C7: variants seen among roughly 807,000 people sequenced by gnomAD.
C7 encodes complement component C7.
In C7, 83 loss-of-function variants were observed where a neutral mutation model predicts 104.8. The observed-to-expected ratio is 0.79, with a 90% confidence interval of 0.66 to 0.95. The LOEUF (loss-of-function observed/expected upper bound fraction) is 0.95. Ranked by LOEUF, C7 falls within the 40% of genes least tolerant of loss-of-function variation. C7 has a pLI of 0.00. For missense variants in C7, 1,070 were observed against 1,011.2 expected, an observed-to-expected ratio of 1.06 and a Z score of -0.79; for synonymous variants, 415 against 360.6, an observed-to-expected ratio of 1.15 and a Z score of -1.71.
Position 40,972,521 on chromosome 5 carries a change from T to C in C7, c.2001T>C (p.Gly667=). The change falls in exon 15 of 18, where the codon GGT becomes GGC. Residue 667 remains glycine, a synonymous_variant. Coordinates refer to ENST00000313164, the MANE Select transcript of C7 (RefSeq NM_000587.4). ...GTTCAGGTGGCATGTCCTTAGAAGGTCCTTCAGCATTTCTCTGTGGCTCCA... is the reference window on the plus strand; with the variant it reads ...GTTCAGGTGGCATGTCCTTAGAAGGCCCTTCAGCATTTCTCTGTGGCTCCA... ...VSCSGGMSLE[G]PSAFLCGSSL... 6.2e-7 allele frequency: 1 copy of C among 1,613,674 alleles called. No individual in the cohort carries two copies. The highest frequency in any genetic ancestry group is 1.6e-4 in the Middle Eastern group (1 of 6,062).
intron 4 of C7, among the ~76,000 whole-genome samples, chr5:40,935,838 G>C (rs567068435): frequency 7.9e-5 from 12 of 152,186 alleles, no homozygotes; most frequent in Non-Finnish European, 1.5e-4. Context: ...TATATGAAAA[G>C]CTGGCAAAGG....
chr5:40,952,872 C>A (rs1740204457), intron 9 of C7, among the ~76,000 whole-genome samples: 1 of 152,200 alleles, frequency 6.6e-6, no homozygotes, highest in African/African-American at 2.4e-5. Flanking sequence ...TGGAAACCAT[C>A]ATTCTTAGCA....
chr5:40,916,927 T>C (rs539902122), intron 1 of C7, among the ~76,000 whole-genome samples: 1 of 151,968 alleles, frequency 6.6e-6, no homozygotes, highest in South Asian at 2.1e-4. Context: ...ATATAATACA[T>C]TGTTCTAGAG....
intron 1 of C7, among the ~76,000 whole-genome samples, chr5:40,921,066 G>GT (rs111297252): frequency 0.24 from 34,095 of 143,906 alleles, 4,043 homozygotes; most frequent in East Asian, 0.32. Flanking sequence ...AAAAAAAAAT[G>GT]AAAGACTACA....
chr5:40,974,480 A>G (rs1400889981), intron 15 of C7, among the ~76,000 whole-genome samples: 3 of 151,232 alleles, frequency 2.0e-5, no homozygotes, highest in African/African-American at 4.9e-5. Context: ...CAGCGGCACA[A>G]TCTCAGCTCA....
chr5:40,922,498 G>T (rs1739461573), intron 1 of C7, among the ~76,000 whole-genome samples: 1 of 150,404 alleles, frequency 6.6e-6, no homozygotes, highest in Non-Finnish European at 1.5e-5. Flanking sequence ...TTAGGAGTTT[G>T]AGACCAGCCT....
At chr5:40,943,871 C>T (rs1361978413) in intron 6 of C7, among the ~76,000 whole-genome samples, 1 of 152,064 alleles carries the variant, frequency 6.6e-6, no homozygotes, top group Non-Finnish European at 1.5e-5. Flanking sequence ...ATCTAATACT[C>T]AATGGGGGTA....
chr5:40,976,071 A>G (rs916524803), intron 15 of C7, among the ~76,000 whole-genome samples: 13 of 152,352 alleles, frequency 8.5e-5, no homozygotes, highest in Admixed American at 5.2e-4. Flanking sequence ...TGAAATGATG[A>G]CTGAATTGTC....
chr5:40,964,585 T>C (rs1306379780), intron 13 of C7, 156 bp from the exon 14 acceptor site: 1 of 619,120 alleles, frequency 1.6e-6, no homozygotes, highest in South Asian at 2.1e-5. Context: ...TGTTACTAAC[T>C]ATATAGGGGA....
chr5:40,958,226 C>T lies in C7; in HGVS notation c.1454C>T (p.Ala485Val), dbSNP rs200622924. The T allele has an allele frequency of 1.2e-4, 190 of 1,611,062 alleles. No homozygotes were observed. Among genetic ancestry groups the T allele is most frequent in the East Asian group, 9.6e-4 (43 of 44,870 alleles). Reference protein sequence around the residue: ...CHCKPYTFGAACEQGVLVGNQ... With the variant: ...CHCKPYTFGAVCEQGVLVGNQ... The stretch of plus-strand genomic sequence containing the variant: ...TGCAAACCGTACACATTTGGTGCGG[C>T]GTGTGAGCAAGGAGTCCTCGTAGGG... Residue 485 changes from alanine (A) to valine (V), a missense_variant, in exon 11 of 18, where the codon GCG becomes GTG. Physicochemically the swap from Ala to Val is moderately conservative, Grantham distance 64. Coordinates refer to ENST00000313164, the MANE Select transcript of C7 (RefSeq NM_000587.4).
intron 15 of C7, among the ~76,000 whole-genome samples, chr5:40,972,865 G>A (rs1740730343): frequency 6.6e-6 from 1 of 152,072 alleles, no homozygotes; most frequent in African/African-American, 2.4e-5. Context: ...TATCTGTTAT[G>A]GTGCCAAGAC....
chr5:40,952,587 T>C (rs1405941927), intron 9 of C7, among the ~76,000 whole-genome samples: 1 of 152,134 alleles, frequency 6.6e-6, no homozygotes, highest in Non-Finnish European at 1.5e-5. Context: ...GTTGGTGTGC[T>C]ACACCCATTA....
rs1434381935 is a variant in C7, at chr5:40,955,422, A to T, written c.1129A>T (p.Ile377Phe). The stretch of plus-strand genomic sequence containing the variant: ...CAATGTATTGCGAGGAGAACCGTTC[A>T]TCAGAGGGGGAGGTGCAGGCTTCAT... ...QNNVLRGEPF[I>F]RGGGAGFISG... is the part of the protein sequence containing the mutation. Residue 377 changes from isoleucine to phenylalanine, a missense_variant, in exon 10 of 18, where the codon ATC becomes TTC. Transcript: ENST00000313164. The T allele has an allele frequency of 6.2e-7, 1 of 1,611,978 alleles. No homozygotes were observed. The highest frequency in any genetic ancestry group is 8.5e-7 in the Non-Finnish European group (1 of 1,179,120).
intron 3 of C7, among the ~76,000 whole-genome samples, chr5:40,933,021 AC>A (rs1040659578): frequency 5.5e-4 from 83 of 152,136 alleles, no homozygotes; most frequent in Admixed American, 1.2e-3. Context: ...CTGGAACTTC[AC>A]AAAAGGACAC....
chr5:40,956,178 C>G (rs2597737), intron 10 of C7, among the ~76,000 whole-genome samples: 152,201 of 152,360 alleles, frequency 1, 76,021 homozygotes, highest in Middle Eastern at 1. Context: ...AATAAAAATA[C>G]TTGCATGGTT....
chr5:40,931,059 G>A lies in C7; in HGVS notation c.63-5G>A, dbSNP rs1182407628. On this transcript the variant is annotated splice_polypyrimidine_tract_variant and splice_region_variant and intron_variant, in intron 2 of 17. Coordinates refer to ENST00000313164, the MANE Select transcript of C7 (RefSeq NM_000587.4). ...TTTATGATGGACAATTTGACACTGT[G>A]GCAGTGCCTCCTCTCCAGTCAACTG... 1 of 1,605,648 alleles carries A rather than the reference G, an allele frequency of 6.2e-7. No homozygotes were observed. Among genetic ancestry groups the A allele is most frequent in the Non-Finnish European group, 8.5e-7 (1 of 1,172,524 alleles).
chr5:40,939,362 C>G (rs1479494028), intron 6 of C7, among the ~76,000 whole-genome samples: 1 of 152,170 alleles, frequency 6.6e-6, no homozygotes, highest in Non-Finnish European at 1.5e-5. Context: ...CTCACAGCAG[C>G]TTTGGAAAGT....
At position 40,983,495 on chromosome 5, in the gene C7, A is replaced by C. The variant is rs1740998406; in HGVS notation, c.*1922A>C. On this transcript the variant is annotated 3_prime_UTR_variant, in exon 18 of 18. Coordinates refer to ENST00000313164, the MANE Select transcript of C7 (RefSeq NM_000587.4). ...AGAGTTATTGAAGGAGAAGTCAAGG[A>C]GAGGAGAAGGAGAGGAGCAGTGAAT... Among the ~76,000 whole-genome samples the C allele has an allele frequency of 6.6e-6, 1 of 152,126 alleles. No individual in the cohort carries two copies.
rs144320391 is a variant in C7 at position 40,949,667 on chromosome 5, A to T, written c.983-237A>T. Among the ~76,000 whole-genome samples the T allele has an allele frequency of 4.6e-5, 7 of 152,264 alleles. No individual in the cohort carries two copies. The East Asian group carries it at 1.2e-3, about 25-fold the overall frequency. ...GGGGTGTTCAATTTCTACTCCCTGC[A>T]CCTTTTTATGTAGAAATCTCTTCTG... On this transcript the variant is annotated intron_variant, in intron 8 of 17. Transcript: ENST00000313164.
Sources: gnomAD v4.1 joint callset for allele counts (sites outside exome capture counted in the v4.1 genomes callset) on GRCh38, gnomAD v4.1.1 for gene constraint, MANE v1.5 for transcripts, NCBI Gene and HGNC (gene_info 2026-07-23, HGNC 2026-07-21) for gene names.